Variants in ADGRL3 observed in about 807,000 individuals in gnomAD.
ADGRL3 encodes the protein adhesion G protein-coupled receptor L3, also known as calcium-independent alpha-latrotoxin receptor 3.
Under a neutral mutation model 153.5 loss-of-function variants are expected in ADGRL3, and 62 were observed. That is an observed-to-expected ratio of 0.40 (90% confidence interval 0.33 to 0.50). ADGRL3 has a LOEUF of 0.50. ADGRL3 is among the 20% of genes least tolerant of loss of function. ADGRL3 has a pLI of 0.47. For missense variants in ADGRL3, 1,641 were observed against 1,859.4 expected (o/e 0.88, Z 2.16); for synonymous variants, 710 against 672.5 (o/e 1.06, Z -0.86).
At chr4:61,412,261 T>G (rs940124067) in intron 2 of ADGRL3, among the ~76,000 whole-genome samples, 1 of 152,108 alleles carries the variant, frequency 6.6e-6, no homozygotes, top group African/African-American at 2.4e-5. Flanking sequence ...TTTTAATAAA[T>G]TTTTTTCATA....
At chr4:61,606,430 A>T (rs922717592) in intron 5 of ADGRL3, among the ~76,000 whole-genome samples, 7 of 152,198 alleles carry the variant, frequency 4.6e-5, no homozygotes, top group Non-Finnish European at 5.9e-5. Flanking sequence ...TCTGGAGTCT[A>T]GAAGTTCAAG....
rs918639729 is a variant in ADGRL3 at position 61,798,606 on chromosome 4, A to G, written c.1400-15203A>G. Among the ~76,000 whole-genome samples, 157 of 151,308 alleles carry G rather than the reference A, an allele frequency of 1.0e-3. 1 individual carries two copies. Among genetic ancestry groups the G allele is most frequent in the Middle Eastern group, 0.01 (3 of 294 alleles). On this transcript the variant is annotated intron_variant, in intron 8 of 26. Transcript: ENST00000683033. ...GACTCATTTATTTGTTTGTTTATTT[A>G]TTTATTTATTTATTTATTTATTTAT...
chr4:61,477,385 AC>A, intron 2 of ADGRL3, among the ~76,000 whole-genome samples: 1 of 152,152 alleles, frequency 6.6e-6, no homozygotes, highest in Admixed American at 6.5e-5. Context: ...ACACACACAC[AC>A]ACACATGTGC....
At chr4:61,950,993 A>T (rs529756822) in intron 17 of ADGRL3, among the ~76,000 whole-genome samples, 1 of 152,324 alleles carries the variant, frequency 6.6e-6, no homozygotes, top group African/African-American at 2.4e-5. Context: ...GTAGTTAGAA[A>T]TTGGAGGTGA....
chr4:61,456,369 A>C (rs28483640), intron 2 of ADGRL3, among the ~76,000 whole-genome samples: 13,937 of 115,154 alleles, frequency 0.12, 1,565 homozygotes, highest in Non-Finnish European at 0.15. Flanking sequence ...AGAGATATAG[A>C]TATATCTATA....
intron 5 of ADGRL3, among the ~76,000 whole-genome samples, chr4:61,593,868 T>A (rs905525436): frequency 6.6e-6 from 1 of 152,170 alleles, no homozygotes; most frequent in Non-Finnish European, 1.5e-5. Flanking sequence ...TGGAAAGTTC[T>A]CTGATATTAT....
chr4:62,028,473 G>A (rs995881375), intron 21 of ADGRL3, among the ~76,000 whole-genome samples: 2 of 151,606 alleles, frequency 1.3e-5, no homozygotes, highest in Non-Finnish European at 3.0e-5. Context: ...AATACCTTTA[G>A]GTGACATGAA....
chr4:61,964,587 A>T (rs2098999383), intron 17 of ADGRL3, among the ~76,000 whole-genome samples: 1 of 151,986 alleles, frequency 6.6e-6, no homozygotes, highest in South Asian at 2.1e-4. Context: ...ACTCTTTCAA[A>T]TGTTGGTTAT....
rs183192477 is a variant in ADGRL3, at chr4:61,637,275, A to C, written c.474-39551A>C. On this transcript the variant is annotated intron_variant, in intron 5 of 26. Transcript: ENST00000683033. ...AAATAGGGGAAATTTGAACACAGGC[A>C]TGCACACACACATAGGTAGAAAACC... Among the ~76,000 whole-genome samples, 140 of 152,328 alleles carry C rather than the reference A, an allele frequency of 9.2e-4. 2 individuals are homozygous for C. In the Middle Eastern group the frequency reaches 0.01, roughly 11 times the overall value.
At chr4:61,314,640 T>C (rs2095141200) in intron 1 of ADGRL3, among the ~76,000 whole-genome samples, 1 of 152,238 alleles carries the variant, frequency 6.6e-6, no homozygotes, top group Non-Finnish European at 1.5e-5. Flanking sequence ...TTGCAGTTGA[T>C]TCTATTAGTT....
At chr4:61,391,554 G>C (rs1233783404) in intron 2 of ADGRL3, among the ~76,000 whole-genome samples, 2 of 152,138 alleles carry the variant, frequency 1.3e-5, no homozygotes, top group South Asian at 4.1e-4. Flanking sequence ...CTGCATGTAT[G>C]TGCGTAAGTT....
At chr4:61,544,715 AT>A (rs2098705805) in intron 4 of ADGRL3, among the ~76,000 whole-genome samples, 1 of 152,186 alleles carries the variant, frequency 6.6e-6, no homozygotes, top group South Asian at 2.1e-4. Flanking sequence ...TTAGAAATAC[AT>A]TTTTTATGGA....
intron 21 of ADGRL3, among the ~76,000 whole-genome samples, chr4:62,026,804 G>T (rs980931327): frequency 2.6e-5 from 4 of 151,794 alleles, no homozygotes; most frequent in African/African-American, 4.8e-5. Context: ...TAGCTGCCCT[G>T]CTACAAAAAC....
chr4:61,723,430 C>G (rs1406850757), intron 6 of ADGRL3, among the ~76,000 whole-genome samples: 3 of 152,096 alleles, frequency 2.0e-5, no homozygotes, highest in Non-Finnish European at 4.4e-5. Flanking sequence ...AAAGCTCCCC[C>G]ATACAGAGGG....
chr4:61,498,559 A>G (rs1452916893), intron 3 of ADGRL3, among the ~76,000 whole-genome samples: 1 of 152,146 alleles, frequency 6.6e-6, no homozygotes, highest in Non-Finnish European at 1.5e-5. Context: ...CAAAAAAAAA[A>G]TGAAAACATA....
At chr4:62,034,703 T>A (rs964534004) in intron 23 of ADGRL3, among the ~76,000 whole-genome samples, 6 of 151,924 alleles carry the variant, frequency 3.9e-5, no homozygotes, top group Non-Finnish European at 8.8e-5. Context: ...AATTGCTGTC[T>A]TATTGAATTA....
At chr4:61,846,887 A>T (rs1050119219) in intron 9 of ADGRL3, among the ~76,000 whole-genome samples, 1 of 150,764 alleles carries the variant, frequency 6.6e-6, no homozygotes, top group African/African-American at 2.5e-5. Context: ...AAATGACGAG[A>T]TCTCATAAGA....
intron 1 of ADGRL3, among the ~76,000 whole-genome samples, chr4:61,344,506 A>G (rs1044602837): frequency 1.3e-5 from 2 of 152,176 alleles, no homozygotes; most frequent in Non-Finnish European, 2.9e-5. Flanking sequence ...GCTTCTGTCT[A>G]CTATTCCCTT....
At chr4:61,744,495 C>T (rs1043425134) in intron 8 of ADGRL3, among the ~76,000 whole-genome samples, 6 of 152,072 alleles carry the variant, frequency 3.9e-5, no homozygotes, top group African/African-American at 1.4e-4. Context: ...CTCACACCGC[C>T]GGGTACTCCT....
Sources: gnomAD v4.1 joint callset for allele counts (sites outside exome capture counted in the v4.1 genomes callset) on GRCh38, gnomAD v4.1.1 for gene constraint, MANE v1.5 for transcripts, NCBI Gene and HGNC (gene_info 2026-07-23, HGNC 2026-07-21) for gene names.